The following ABR variants were observed in gnomAD, a reference collection of about 807,000 sequenced individuals.
ABR encodes the protein ABR activator of RhoGEF and GTPase.
A neutral mutation model predicts 107.2 loss-of-function variants in ABR; 35 were observed. The ratio of observed to expected loss-of-function variants is 0.33; its 90% CI spans 0.25 to 0.43. The LOEUF (loss-of-function observed/expected upper bound fraction) is 0.43, where lower values mean the gene tolerates loss of function less well. Among genes scored for constraint, ABR ranks in the 20% least tolerant of loss-of-function variants. The probability of loss-of-function intolerance (pLI) is 1.00; values close to 1 mark genes in which losing one functional copy is unlikely to be tolerated. For synonymous variants in ABR, 498 were observed against 462.0 expected (o/e 1.08, Z -1.00); for missense variants, 815 against 1,115.2 (o/e 0.73, Z 3.83).
At chr17:1,096,475 G>C (rs549245595) in intron 3 of ABR, among the ~76,000 whole-genome samples, 1 of 152,310 alleles carries the variant, frequency 6.6e-6, no homozygotes, top group African/African-American at 2.4e-5. Context: ...GGGTGCAGGG[G>C]TTCCCAGCTC....
At chr17:1,013,297 G>A in intron 16 of ABR, 133 bp from the exon 17 acceptor site, 13 of 907,588 alleles carry the variant, frequency 1.4e-5, no homozygotes, top group Non-Finnish European at 2.3e-5. Context: ...ATAAGCTGAT[G>A]TTTACCTGGA....
In ABR at chr17:1,148,814, G is replaced by A. The variant is rs893894168; in HGVS notation, c.62-23447C>T. ...ACGGTGCTGATGGCCGCACCAGAGTGTGAACGTGCCTCGGGCCACTGATGC... is the reference window on the plus strand; with the variant it reads ...ACGGTGCTGATGGCCGCACCAGAGTATGAACGTGCCTCGGGCCACTGATGC... On this transcript the variant is annotated intron_variant, in intron 1 of 22. Transcript: ENST00000302538. The surrounding 1 kb of genome is among the most constrained non-coding windows in gnomAD (Gnocchi z 4.9). Among the ~76,000 whole-genome samples, 2 of 152,238 alleles carry A rather than the reference G, an allele frequency of 1.3e-5. No individual in the cohort carries two copies. Among genetic ancestry groups the A allele is most frequent in the African/African-American group, 4.8e-5 (2 of 41,454 alleles).
intron 1 of ABR, among the ~76,000 whole-genome samples, chr17:1,162,506 C>A (rs189814230): frequency 6.6e-6 from 1 of 152,242 alleles, no homozygotes; most frequent in Non-Finnish European, 1.5e-5. Context: ...GGGCTGTGCA[C>A]GCTCCTGCCC....
At chr17:1,164,995 G>A (rs181057220) in intron 1 of ABR, among the ~76,000 whole-genome samples, 24 of 152,224 alleles carry the variant, frequency 1.6e-4, no homozygotes, top group African/African-American at 5.5e-4. Flanking sequence ...CTAATTTAAC[G>A]GGGCATCCTT....
intron 2 of ABR, 136 bp downstream of exon 2, chr17:1,125,047 A>G (rs2039529061): frequency 1.2e-6 from 1 of 856,344 alleles, no homozygotes; most frequent in Admixed American, 3.0e-5. Flanking sequence ...CGAGATGACG[A>G]GGCACCAAGA....
chr17:1,176,229 G>C (rs2041915176), intron 1 of ABR, among the ~76,000 whole-genome samples: 1 of 152,184 alleles, frequency 6.6e-6, no homozygotes, highest in Admixed American at 6.5e-5. Context: ...CAGCCCCCAG[G>C]TCCTGCAAGA....
At chr17:1,205,895 T>C (rs2042779182) in intron 1 of ABR, among the ~76,000 whole-genome samples, 1 of 151,930 alleles carries the variant, frequency 6.6e-6, no homozygotes, top group South Asian at 2.1e-4. Context: ...TGAGCTGAGA[T>C]TGCGCCACTG....
At chr17:1,228,109 G>T (rs776218129) in intron 1 of ABR, 1 of 152,174 alleles carries the variant, frequency 6.6e-6, no homozygotes, top group Non-Finnish European at 1.5e-5. Flanking sequence ...ACTAGACATG[G>T]TCTCTGGGCA....
At position 1,207,862 on chromosome 17, in the gene ABR, C is replaced by G. The variant is rs576498056; in HGVS notation, c.838+20931G>C. 1.6e-4 allele frequency among the ~76,000 whole-genome samples: 24 copies of G among 151,436 alleles called. No individual in the cohort carries two copies. In the East Asian group the frequency reaches 4.8e-3, roughly 30 times the overall value. ...TCGGCTCACTGCAACCTCCGCCTCC[C>G]GGGTTCAAGCGATTCTCCTGCCTCA... On this transcript the variant is annotated intron_variant, in intron 1 of 22. Coordinates refer to the ABR transcript ENST00000574139.
chr17:1,213,986 C>T (rs963610516), intron 1 of ABR, among the ~76,000 whole-genome samples: 5 of 152,076 alleles, frequency 3.3e-5, no homozygotes, highest in African/African-American at 1.2e-4. Flanking sequence ...CTCCCGGGTT[C>T]AAGTGATTCT....
At chr17:1,223,787 G>A (rs1005980000) in intron 1 of ABR, among the ~76,000 whole-genome samples, 3 of 152,094 alleles carry the variant, frequency 2.0e-5, no homozygotes, top group Non-Finnish European at 2.9e-5. Flanking sequence ...GCAAGCCTGC[G>A]GGGGAAACTT....
rs12326041 is a variant in ABR, at chr17:1,038,406, G to T, written c.1791+11644C>A. Reference sequence around the variant, plus strand: ...TCTCTCCCTCCTTTGGGAAACTCAGGGCTTTTGCTCAGTGGCTGTGGGTTC... The same window carrying T: ...TCTCTCCCTCCTTTGGGAAACTCAGTGCTTTTGCTCAGTGGCTGTGGGTTC... On this transcript the variant is annotated intron_variant, in intron 16 of 22. Coordinates refer to ENST00000302538, the MANE Select transcript of ABR (RefSeq NM_021962.5). 4.2e-3 allele frequency among the ~76,000 whole-genome samples: 635 copies of T among 152,318 alleles called. 5 individuals carry two copies. Among genetic ancestry groups the T allele is most frequent in the African/African-American group, 0.015 (604 of 41,558 alleles).
rs2070461881 is a variant in ABR, at chr17:1,010,739, C to A, written c.2226G>T (p.Met742Ile). 1 of 1,613,570 alleles carries A rather than the reference C, an allele frequency of 6.2e-7. No individual in the cohort carries two copies. The highest frequency in any genetic ancestry group is 1.1e-5 in the South Asian group (1 of 91,084). ...CCCTCAGGGCCTCACCGATGCCCTC[C>A]ATGAAGGCTGGGTAGAGTCGGTCCG... ...LLTDRLYPAF[M>I]EGIALSDPAA... The change falls in exon 20 of 23, where the codon ATG becomes ATT. Residue 742 changes from methionine to isoleucine, a missense_variant. By Grantham distance (10) the Met-to-Ile change is conservative. Coordinates refer to ENST00000302538, the MANE Select transcript of ABR (RefSeq NM_021962.5). This position sits in a 1 kb window ranked among gnomAD's most constrained non-coding sequence, Gnocchi z 4.1.
At chr17:1,058,116 C>G (rs2033543131) in intron 11 of ABR, 71 bp from the exon 12 acceptor site, 5 of 889,888 alleles carry the variant, frequency 5.6e-6, no homozygotes, top group Non-Finnish European at 9.0e-6. Flanking sequence ...TCCTGGGGAC[C>G]CCAACAAAGC....
intron 1 of ABR, among the ~76,000 whole-genome samples, chr17:1,152,259 G>GAGAACAA (rs2040827061): frequency 1.4e-5 from 2 of 147,838 alleles, no homozygotes; most frequent in African/African-American, 2.5e-5. Context: ...CTCCAGCCTG[G>GAGAACAA]GCTACAGAGC....
rs71272843 is a variant in ABR, at chr17:1,025,119, C to CAAAAAAAAAAAAAAAAAA, written c.1792-11973_1792-11956dup. Among the ~76,000 whole-genome samples, 48 of 37,698 alleles carry CAAAAAAAAAAAAAAAAAA rather than the reference C, an allele frequency of 1.3e-3. 1 individual carries two copies. The highest frequency in any genetic ancestry group is 4.1e-3 in the African/African-American group (47 of 11,552). 24.7% of individuals were successfully genotyped at this position (37,698 alleles called of 152,430 possible). A position where few individuals can be genotyped will look rare whatever the true frequency, so the allele number is the denominator to read the frequency against. ...CCTGGGCGACAGCGAGACTCCGTCT[C>CAAAAAAAAAAAAAAAAAA]AAAAAAAAAAAAAAAAAAATACAAA... On this transcript the variant is annotated intron_variant, in intron 16 of 22. Transcript: ENST00000302538.
At chr17:1,048,826 G>A (rs2032068555) in intron 16 of ABR, among the ~76,000 whole-genome samples, 1 of 152,216 alleles carries the variant, frequency 6.6e-6, no homozygotes, top group South Asian at 2.1e-4. Flanking sequence ...GCTGTGCCTG[G>A]ATCACGTCTG....
chr17:1,193,470 C>A (rs1018153056), intron 1 of ABR, among the ~76,000 whole-genome samples: 60 of 152,230 alleles, frequency 3.9e-4, no homozygotes, highest in Middle Eastern at 3.4e-3. Flanking sequence ...AGAAGAGGCT[C>A]AAGTTCACAC....
intron 2 of ABR, among the ~76,000 whole-genome samples, chr17:1,101,873 A>G (rs2037905220): frequency 6.6e-6 from 1 of 151,954 alleles, no homozygotes; most frequent in Admixed American, 6.6e-5. Flanking sequence ...AGCTGGGACT[A>G]CAGGCTCCCG....
Sources: allele counts gnomAD v4.1 joint callset (sites outside exome capture counted in the v4.1 genomes callset), GRCh38; gene constraint gnomAD v4.1.1; non-coding constraint Gnocchi (gnomAD v3.1); transcripts MANE v1.5; gene names NCBI Gene and HGNC (gene_info 2026-07-23, HGNC 2026-07-21).